CNTLN: variants seen among roughly 807,000 people sequenced by gnomAD.
CNTLN encodes the protein centlein, centrosomal protein.
In CNTLN, 212 loss-of-function variants were observed where a neutral mutation model predicts 180.0. That is an observed-to-expected ratio of 1.18 (90% CI 1.05 to 1.32). The LOEUF is 1.32. CNTLN is among the 40% of genes most tolerant of loss of function. CNTLN has a pLI of 0.00. For synonymous variants in CNTLN, 722 were observed against 563.1 expected (o/e 1.28, Z -3.99); for missense variants, 2,095 against 1,610.9 (o/e 1.30, Z -5.14).
chr9:17,159,589 G>C (rs1175089080), intron 2 of CNTLN, among the ~76,000 whole-genome samples: 1 of 152,170 alleles, frequency 6.6e-6, no homozygotes, highest in Non-Finnish European at 1.5e-5. Context: ...ACTTGCGTTG[G>C]ACTTAGCCTC....
intron 15 of CNTLN, 137 bp from the exon 16 acceptor site, chr9:17,409,156 G>T: frequency 1.5e-6 from 1 of 675,812 alleles, no homozygotes; most frequent in Non-Finnish European, 2.5e-6. Flanking sequence ...TTCACATTGA[G>T]AACCAGTAAA....
intron 18 of CNTLN, among the ~76,000 whole-genome samples, chr9:17,453,422 G>A (rs1159094213): frequency 2.6e-5 from 4 of 152,104 alleles, no homozygotes; most frequent in East Asian, 1.9e-4. Flanking sequence ...TAAACTCTAC[G>A]CACTGTGGGG....
chr9:17,299,378 G>T (rs1490463117), intron 7 of CNTLN: 2 of 831,504 alleles, frequency 2.4e-6, no homozygotes, highest in Admixed American at 6.2e-5. Context: ...GGCAAGTGAG[G>T]CTTAGAGAGG....
At chr9:17,141,987 C>T (rs975238093) in intron 1 of CNTLN, among the ~76,000 whole-genome samples, 1 of 148,554 alleles carries the variant, frequency 6.7e-6, no homozygotes, top group African/African-American at 2.5e-5. Context: ...GAGGCTGAGG[C>T]AGAAGAATCA....
chr9:17,365,010 T>C (rs1363250040), intron 12 of CNTLN, among the ~76,000 whole-genome samples: 2 of 152,192 alleles, frequency 1.3e-5, no homozygotes, highest in Admixed American at 6.5e-5. Flanking sequence ...GATTGTTTTC[T>C]CCCAGTTTCC....
chr9:17,522,963 C>A, the CNTLN span, among the ~76,000 whole-genome samples: 1 of 151,966 alleles, frequency 6.6e-6, no homozygotes, highest in Non-Finnish European at 1.5e-5. Context: ...ATTTGGTGCC[C>A]AGCTTTTTGG....
At chr9:17,508,603 C>T (rs12336632), downstream of CNTLN, among the ~76,000 whole-genome samples, 3,871 of 152,208 alleles carry the variant, frequency 0.025, 162 homozygotes, top group African/African-American at 0.088. Context: ...TGGCCGCCAC[C>T]GACCTGTTCA....
chr9:17,312,429 C>A (rs918193207), intron 8 of CNTLN, among the ~76,000 whole-genome samples: 1 of 146,532 alleles, frequency 6.8e-6, no homozygotes, highest in Non-Finnish European at 1.5e-5. Flanking sequence ...CTCTGTCGCC[C>A]AGGCTGGAGT....
At chr9:17,188,215 A>G (rs1398275906) in intron 2 of CNTLN, among the ~76,000 whole-genome samples, 1 of 152,038 alleles carries the variant, frequency 6.6e-6, no homozygotes, top group Non-Finnish European at 1.5e-5. Flanking sequence ...TCTATAAAAT[A>G]TAAATGTCTC....
chr9:17,376,391 T>G (rs759151884), intron 13 of CNTLN, among the ~76,000 whole-genome samples: 3 of 152,056 alleles, frequency 2.0e-5, no homozygotes, highest in Non-Finnish European at 2.9e-5. Flanking sequence ...ATGTTAGAGA[T>G]AAAAATTTTT....
intron 23 of CNTLN, among the ~76,000 whole-genome samples, chr9:17,482,028 C>A (rs751051567): frequency 6.6e-6 from 1 of 152,030 alleles, no homozygotes. Context: ...TGCAAAGATA[C>A]AGGGATATGA....
chr9:17,261,121 G>C (rs1022481973), intron 5 of CNTLN, among the ~76,000 whole-genome samples: 1 of 151,414 alleles, frequency 6.6e-6, no homozygotes, highest in Non-Finnish European at 1.5e-5. Flanking sequence ...GATGCATCTG[G>C]CTTTGTTCAT....
In CNTLN at chr9:17,394,535, T is replaced by G. The variant is rs1826344164; in HGVS notation, c.2081T>G (p.Val694Gly). 1.9e-6 allele frequency: 3 copies of G among 1,544,664 alleles called. No individual in the cohort carries two copies. The highest frequency in any genetic ancestry group is 2.6e-6 in the Non-Finnish European group (3 of 1,141,036). ...AAAAGAATAAACTCTTTCCTTTAGG[T>G]CACTGAGTTGGAAAATCGGCTGAAA... Reference protein sequence around the residue: ...KEMLEQTLQKVTELENRLKSF... With the variant: ...KEMLEQTLQKGTELENRLKSF... The change falls in exon 15 of 26, where the codon GTC becomes GGC. Residue 694 changes from valine to glycine, a missense_variant and splice_region_variant. By Grantham distance (109) the Val-to-Gly change is moderately radical. Transcript: ENST00000380647.
At chr9:17,223,519 A>C (rs2132065710) in intron 2 of CNTLN, among the ~76,000 whole-genome samples, 1 of 152,158 alleles carries the variant, frequency 6.6e-6, no homozygotes, top group Non-Finnish European at 1.5e-5. Flanking sequence ...TTGTGTAGGC[A>C]AAAGCTTGGG....
chr9:17,261,731 A>G (rs1325754195), intron 5 of CNTLN, among the ~76,000 whole-genome samples: 1 of 151,424 alleles, frequency 6.6e-6, no homozygotes, highest in Non-Finnish European at 1.5e-5. Flanking sequence ...AAGAGTGGGC[A>G]TGGCTTCTAA....
At chr9:17,462,400 T>G (rs934806429) in intron 19 of CNTLN, among the ~76,000 whole-genome samples, 5 of 151,768 alleles carry the variant, frequency 3.3e-5, no homozygotes, top group South Asian at 4.2e-4. Context: ...CCACAAAGCT[T>G]TAAGGCCTGG....
chr9:17,237,171 T>TA (rs1825196639), intron 5 of CNTLN, among the ~76,000 whole-genome samples: 1 of 152,110 alleles, frequency 6.6e-6, no homozygotes. Flanking sequence ...AGTGGTTTCT[T>TA]ACAATTTTAT....
At chr9:17,235,519 A>G in intron 3 of CNTLN, 139 bp from the exon 4 acceptor site, 2 of 650,872 alleles carry the variant, frequency 3.1e-6, no homozygotes, top group Non-Finnish European at 5.0e-6. Context: ...GTTACAGGAG[A>G]TGAGAATTGT....
chr9:17,298,569 A>T, intron 7 of CNTLN: 1 of 1,201,354 alleles, frequency 8.3e-7, no homozygotes, highest in Non-Finnish European at 1.0e-6. Flanking sequence ...TAAAATATAG[A>T]TACAAACTTA....
Sources: allele counts gnomAD v4.1 joint callset (sites outside exome capture counted in the v4.1 genomes callset), GRCh38; gene constraint gnomAD v4.1.1; transcripts MANE v1.5; gene names NCBI Gene and HGNC (gene_info 2026-07-23, HGNC 2026-07-21).